The following GPC5 variants were observed in gnomAD, a reference collection of about 807,000 sequenced individuals.
GPC5 encodes glypican-5.
Under a neutral mutation model 53.9 loss-of-function variants are expected in GPC5, and 47 were observed. That is an observed-to-expected ratio of 0.87 (90% CI 0.69 to 1.11). The LOEUF is 1.11. GPC5 is among the 50% of genes most tolerant of loss of function. The pLI is 0.00. For missense variants in GPC5, 748 were observed against 713.1 expected (o/e 1.05, Z -0.56); for synonymous variants, 286 against 263.3 (o/e 1.09, Z -0.84).
intron 2 of GPC5, among the ~76,000 whole-genome samples, chr13:91,508,093 AT>A (rs1885041833): frequency 6.6e-6 from 1 of 152,168 alleles, no homozygotes; most frequent in African/African-American, 2.4e-5. Flanking sequence ...GATTTTTGGC[AT>A]TTTTAAAGAT....
chr13:91,815,416 G>A (rs2038384150), intron 5 of GPC5, among the ~76,000 whole-genome samples: 1 of 152,022 alleles, frequency 6.6e-6, no homozygotes, highest in Admixed American at 6.6e-5. Flanking sequence ...GTGAGGCAAA[G>A]CAATTTATAC....
intron 1 of GPC5, among the ~76,000 whole-genome samples, chr13:91,433,910 G>T (rs1260362291): frequency 6.6e-6 from 1 of 152,034 alleles, no homozygotes; most frequent in Non-Finnish European, 1.5e-5. Context: ...GTGTGAGATG[G>T]TATCTCATTG....
At chr13:92,643,037 T>G (rs1885645759) in intron 7 of GPC5, among the ~76,000 whole-genome samples, 1 of 152,220 alleles carries the variant, frequency 6.6e-6, no homozygotes, top group Non-Finnish European at 1.5e-5. Context: ...GAGAAGTGTC[T>G]GTTCATGTCC....
chr13:91,459,396 T>C (rs954777879), intron 2 of GPC5, among the ~76,000 whole-genome samples: 6 of 152,094 alleles, frequency 3.9e-5, no homozygotes, highest in African/African-American at 1.4e-4. Flanking sequence ...CTTGGGTGTT[T>C]GCAGTGGAGG....
chr13:92,077,422 ACT>A (rs1316171049), intron 6 of GPC5, among the ~76,000 whole-genome samples: 11 of 152,082 alleles, frequency 7.2e-5, no homozygotes, highest in African/African-American at 9.7e-5. Context: ...AGAGTAGATG[ACT>A]CTGTGATCTG....
At chr13:92,363,106 C>A (rs937113540) in intron 7 of GPC5, among the ~76,000 whole-genome samples, 5 of 151,702 alleles carry the variant, frequency 3.3e-5, no homozygotes, top group Admixed American at 6.5e-5. Flanking sequence ...TCCCCTTAAG[C>A]CTTTGGGTCA....
intron 7 of GPC5, among the ~76,000 whole-genome samples, chr13:92,784,993 G>A (rs1302903721): frequency 6.6e-6 from 1 of 152,092 alleles, no homozygotes; most frequent in South Asian, 2.1e-4. Flanking sequence ...AAAAAAGCCT[G>A]GGGCCAGGCA....
In GPC5 at chr13:91,540,067, T is replaced by TGTA. The variant is rs1270327830; in HGVS notation, c.325+91146_325+91148dup. On this transcript the variant is annotated intron_variant, in intron 2 of 7. Coordinates refer to ENST00000377067, the MANE Select transcript of GPC5 (RefSeq NM_004466.6). ...TTGCTGGGAAATAATTACATCAGGC[T>TGTA]GTATAACAGAAACCAAGATTATTCT... is the stretch of plus-strand genomic sequence containing the variant. 2.0e-5 allele frequency among the ~76,000 whole-genome samples: 3 copies of TGTA among 152,218 alleles called. No homozygotes were observed. In the East Asian group the frequency reaches 5.8e-4, roughly 29 times the overall value.
At chr13:92,312,574 A>C (rs529384179) in intron 7 of GPC5, among the ~76,000 whole-genome samples, 42 of 152,328 alleles carry the variant, frequency 2.8e-4, no homozygotes, top group Middle Eastern at 3.4e-3. Context: ...TTAATATTTT[A>C]CACTGGATAT....
At chr13:92,558,761 A>G (rs1214572517) in intron 7 of GPC5, among the ~76,000 whole-genome samples, 1 of 151,990 alleles carries the variant, frequency 6.6e-6, no homozygotes, top group African/African-American at 2.4e-5. Context: ...CAACATTACT[A>G]TTTAGCACAT....
chr13:91,465,684 A>C (rs1374477365), intron 2 of GPC5, among the ~76,000 whole-genome samples: 1 of 152,122 alleles, frequency 6.6e-6, no homozygotes, highest in East Asian at 1.9e-4. Flanking sequence ...GAAATGTCAA[A>C]ATATTTCACC....
chr13:91,945,619 T>G (rs187194881), intron 6 of GPC5, among the ~76,000 whole-genome samples: 19 of 152,320 alleles, frequency 1.2e-4, no homozygotes, highest in African/African-American at 4.1e-4. Flanking sequence ...AGCAGGACTT[T>G]CCTCTAGGAC....
At chr13:91,913,790 C>T (rs940685439) in intron 6 of GPC5, among the ~76,000 whole-genome samples, 2 of 152,188 alleles carry the variant, frequency 1.3e-5, no homozygotes, top group African/African-American at 4.8e-5. Context: ...ATTCCAAAGC[C>T]TGTTTCTGAA....
chr13:92,613,524 A>G (rs1884559629), intron 7 of GPC5, among the ~76,000 whole-genome samples: 1 of 106,476 alleles, frequency 9.4e-6, no homozygotes, highest in South Asian at 2.4e-4. Flanking sequence ...TATAATATAT[A>G]ATTTATATAT....
At chr13:92,338,086 A>G (rs559465433) in intron 7 of GPC5, among the ~76,000 whole-genome samples, 2 of 152,242 alleles carry the variant, frequency 1.3e-5, no homozygotes, top group South Asian at 4.1e-4. Context: ...TATCCCAAAG[A>G]TAGAAAAATA....
chr13:92,810,064 G>A (rs1877238723), intron 7 of GPC5, among the ~76,000 whole-genome samples: 1 of 152,002 alleles, frequency 6.6e-6, no homozygotes, highest in Admixed American at 6.6e-5. Flanking sequence ...CATAATGAAT[G>A]CCCCCTTCTA....
In GPC5 at chr13:92,640,978, C is replaced by T. The variant is rs190671465; in HGVS notation, c.1562-225304C>T. 8.4e-3 allele frequency among the ~76,000 whole-genome samples: 443 copies of T among 52,714 alleles called. 2 individuals are homozygous for T. Among genetic ancestry groups the T allele is most frequent in the African/African-American group, 0.029 (417 of 14,524 alleles). 34.6% of individuals were successfully genotyped at this position (52,714 alleles called of 152,430 possible). On this transcript the variant is annotated intron_variant, in intron 7 of 7. Transcript: ENST00000377067. ...AGTGAAAGGAGTAGTAATGGGGTGG[C>T]GGGGGAGGGGAGGATGGGGGTGGCG... is the stretch of plus-strand genomic sequence containing the variant.
intron 6 of GPC5, among the ~76,000 whole-genome samples, chr13:92,019,447 A>G (rs1044276152): frequency 1.3e-5 from 2 of 152,048 alleles, no homozygotes; most frequent in Non-Finnish European, 2.9e-5. Flanking sequence ...AATAATCCAA[A>G]TCTTACTTCT....
chr13:91,977,497 T>C (rs2040314559), intron 6 of GPC5, among the ~76,000 whole-genome samples: 1 of 152,164 alleles, frequency 6.6e-6, no homozygotes, highest in Admixed American at 6.5e-5. Context: ...TCTTCAATGG[T>C]CATACTTCAC....
Sources: gnomAD v4.1 joint callset for allele counts (sites outside exome capture counted in the v4.1 genomes callset) on GRCh38, gnomAD v4.1.1 for gene constraint, MANE v1.5 for transcripts, NCBI Gene and HGNC (gene_info 2026-07-23, HGNC 2026-07-21) for gene names.